The following FHAD1 variants were observed in gnomAD, a reference collection of about 807,000 sequenced individuals.
FHAD1 encodes the protein forkhead-associated domain-containing protein 1.
FHAD1 carries 146 observed loss-of-function variants against 191.3 expected under a neutral mutation model. That is an observed-to-expected ratio of 0.76 (90% CI 0.67 to 0.88). FHAD1 has a LOEUF of 0.88. Among genes scored for constraint, FHAD1 ranks in the 40% least tolerant of loss-of-function variants. The probability of loss-of-function intolerance (pLI) is 0.00; values close to 1 mark genes in which losing one functional copy is unlikely to be tolerated. For missense variants in FHAD1, 1,635 were observed against 1,785.8 expected (o/e 0.92, Z 1.52); for synonymous variants, 616 against 672.3 (o/e 0.92, Z 1.29).
At chr1:15,378,421 T>A (rs1700147038) in intron 28 of FHAD1, among the ~76,000 whole-genome samples, 1 of 152,206 alleles carries the variant, frequency 6.6e-6, no homozygotes, top group South Asian at 2.1e-4. Flanking sequence ...AGCCTGCTGG[T>A]CTGCAGAGAA....
intron 33 of FHAD1, among the ~76,000 whole-genome samples, 178 bp from the exon 34 acceptor site, chr1:15,397,119 A>C (rs1422902251): frequency 6.6e-6 from 1 of 150,692 alleles, no homozygotes; most frequent in East Asian, 2.0e-4. Flanking sequence ...TGAACCCAGG[A>C]GGCGGAGCTT....
At chr1:15,376,275 A>G (rs1410608599) in intron 28 of FHAD1, among the ~76,000 whole-genome samples, 1 of 151,884 alleles carries the variant, frequency 6.6e-6, no homozygotes, top group Non-Finnish European at 1.5e-5. Flanking sequence ...TATTTTTAGT[A>G]GAGACAGGGT....
intron 11 of FHAD1, chr1:15,324,930 C>G (rs1677805869): frequency 3.5e-6 from 1 of 282,414 alleles, no homozygotes; most frequent in African/African-American, 2.1e-5. Flanking sequence ...CCCTTGGGCC[C>G]CAGCAGACAT....
chr1:15,256,411 G>A (rs1277013679), intron 2 of FHAD1, among the ~76,000 whole-genome samples: 2 of 152,042 alleles, frequency 1.3e-5, no homozygotes, highest in Non-Finnish European at 2.9e-5. Context: ...CCAGTACTTT[G>A]GGAGGCCGAG....
intron 2 of FHAD1, among the ~76,000 whole-genome samples, chr1:15,271,078 G>A (rs182545362): frequency 2.2e-3 from 327 of 147,108 alleles, no homozygotes; most frequent in African/African-American, 8.0e-3. Context: ...GGCAGAGCTT[G>A]CAGTGAGCTA....
rs998460449 is a variant in FHAD1 at position 15,358,166 on chromosome 1, A to C, written c.2619A>C (p.Ala873=). 2 of 1,531,124 alleles carry C rather than the reference A, an allele frequency of 1.3e-6. No homozygotes were observed. The highest frequency in any genetic ancestry group is 1.8e-6 in the Non-Finnish European group (2 of 1,142,516). 94.8% of individuals were successfully genotyped at this position (1,531,124 alleles called of 1,614,324 possible). The stretch of plus-strand genomic sequence containing the variant: ...TTTTAAATAATAAATTAAGTGACGC[A>C]CTGGCCATGGTTGAAGAGACTCAGA... ...EDVLNNKLSD[A]LAMVEETQKT... is the part of the protein sequence containing the mutation. Residue 873 remains alanine (A), a synonymous_variant, in exon 21 of 34, where the codon GCA becomes GCC. Transcript: ENST00000688493.
At chr1:15,275,072 C>T (rs1183573804) in intron 3 of FHAD1, among the ~76,000 whole-genome samples, 1 of 152,064 alleles carries the variant, frequency 6.6e-6, no homozygotes. Flanking sequence ...ACGCCATTCT[C>T]CTGCCTCAGC....
chr1:15,383,151 A>T (rs1157965872), intron 31 of FHAD1: 6 of 471,568 alleles, frequency 1.3e-5, no homozygotes, highest in African/African-American at 1.0e-4. Flanking sequence ...TGCTTTCCTC[A>T]TTAGTAGATG....
chr1:15,309,660 A>ATT (rs35053289), intron 7 of FHAD1, among the ~76,000 whole-genome samples: 14 of 147,098 alleles, frequency 9.5e-5, no homozygotes, highest in East Asian at 6.0e-4. Context: ...ACATTATGAG[A>ATT]TTTTTTTTTT....
At chr1:15,266,548 A>G (rs1350377353) in intron 2 of FHAD1, among the ~76,000 whole-genome samples, 1 of 152,112 alleles carries the variant, frequency 6.6e-6, no homozygotes, top group South Asian at 2.1e-4. Context: ...CTTCGTTACT[A>G]TGATACATTT....
At chr1:15,401,131 A>C, downstream of FHAD1, among the ~76,000 whole-genome samples, 1 of 152,210 alleles carries the variant, frequency 6.6e-6, no homozygotes, top group East Asian at 1.9e-4. Context: ...GGTTGTAAAC[A>C]ACAGATACCT....
intron 18 of FHAD1, among the ~76,000 whole-genome samples, chr1:15,346,465 T>A (rs2102373393): frequency 6.6e-6 from 1 of 152,228 alleles, no homozygotes; most frequent in African/African-American, 2.4e-5. Context: ...CCCACGTCAT[T>A]TTTGGTATCT....
intron 18 of FHAD1, among the ~76,000 whole-genome samples, chr1:15,347,154 C>A (rs1689193467): frequency 6.6e-6 from 1 of 152,214 alleles, no homozygotes. Context: ...TCTCACAGAG[C>A]GTCACTGAGG....
upstream of FHAD1, among the ~76,000 whole-genome samples, chr1:15,246,299 G>A (rs764943172): frequency 2.6e-5 from 4 of 152,142 alleles, no homozygotes; most frequent in Non-Finnish European, 2.9e-5. Flanking sequence ...AGTGCAATTC[G>A]AGATGAAATT....
chr1:15,379,253 G>T (rs1700346062), intron 28 of FHAD1, among the ~76,000 whole-genome samples: 1 of 152,214 alleles, frequency 6.6e-6, no homozygotes, highest in Admixed American at 6.5e-5. Context: ...CAATTGTGGG[G>T]AGAGGGTCAG....
At chr1:15,336,396 C>T (rs141462164) in intron 14 of FHAD1, among the ~76,000 whole-genome samples, 9 of 152,260 alleles carry the variant, frequency 5.9e-5, no homozygotes, top group African/African-American at 2.2e-4. Flanking sequence ...TCCTCACTTC[C>T]TTTTTCTCTC....
rs1674418843 is a variant in FHAD1 at position 15,316,293 on chromosome 1, ACATGGGGC to A, written c.1171-83_1171-76del. ...CAGCAGGAAATGCTCTCAGGGGCTC[ACATGGGGC>A]CTTGGAGCCCCTCCTTCCCCCGACA... On this transcript the variant is annotated intron_variant, in intron 8 of 33. Transcript: ENST00000688493. This position sits in a 1 kb window ranked among gnomAD's most constrained non-coding sequence, Gnocchi z 4.3. The A allele has an allele frequency of 1.0e-5, 11 of 1,058,732 alleles. No homozygotes were observed. Among genetic ancestry groups the A allele is most frequent in the African/African-American group, 1.6e-5 (1 of 62,606 alleles). 65.6% of individuals were successfully genotyped at this position (1,058,732 alleles called of 1,614,324 possible). A position where few individuals can be genotyped will look rare whatever the true frequency, so the allele number is the denominator to read the frequency against.
rs894376630 is a variant in FHAD1, at chr1:15,345,627, T to G, written c.2346+104T>G. On this transcript the variant is annotated intron_variant, in intron 18 of 33. Coordinates refer to ENST00000688493, the MANE Select transcript of FHAD1 (RefSeq NM_001391957.1). ...TGGGGGTGAGATCGTGGTGGAGCCT[T>G]CCTCGTGGAGTTTGCGTTTGGGTGG... 3.2e-6 allele frequency: 3 copies of G among 941,584 alleles called. No homozygotes were observed. In the African/African-American group the frequency reaches 4.9e-5, roughly 15 times the overall value. 58.3% of individuals were successfully genotyped at this position (941,584 alleles called of 1,614,324 possible). A position where few individuals can be genotyped will look rare whatever the true frequency, so the allele number is the denominator to read the frequency against.
chr1:15,397,264 G>C, intron 33 of FHAD1, 33 bp from the exon 34 acceptor site: 2 of 1,047,580 alleles, frequency 1.9e-6, no homozygotes, highest in Non-Finnish European at 2.8e-6. Context: ...TGCTGCAATG[G>C]AGTTTGTGTG....
Sources: allele counts gnomAD v4.1 joint callset (sites outside exome capture counted in the v4.1 genomes callset), GRCh38; gene constraint gnomAD v4.1.1; non-coding constraint Gnocchi (gnomAD v3.1); transcripts MANE v1.5; gene names NCBI Gene and HGNC (gene_info 2026-07-23, HGNC 2026-07-21).